The following GALNT13 variants were observed in gnomAD, a reference collection of about 807,000 sequenced individuals.
GALNT13 encodes polypeptide N-acetylgalactosaminyltransferase 13.
GALNT13 carries 28 observed loss-of-function variants against 64.2 expected under a neutral mutation model. That is an observed-to-expected ratio of 0.44 (90% CI 0.32 to 0.60). The LOEUF is 0.60. Among genes scored for constraint, GALNT13 ranks in the 20% least tolerant of loss-of-function variants. GALNT13 has a pLI of 0.05. For missense variants in GALNT13, 577 were observed against 669.8 expected (o/e 0.86, Z 1.53); for synonymous variants, 214 against 224.6 (o/e 0.95, Z 0.42).
chr2:153,925,176 T>C (rs1690035362), intron 2 of GALNT13, among the ~76,000 whole-genome samples: 1 of 152,124 alleles, frequency 6.6e-6, no homozygotes, highest in African/African-American at 2.4e-5. Flanking sequence ...CTAGGGGTTT[T>C]ATAGTTTTGG....
At chr2:154,268,580 A>G (rs188515841) in intron 8 of GALNT13, among the ~76,000 whole-genome samples, 15 of 152,270 alleles carry the variant, frequency 9.9e-5, no homozygotes, top group Non-Finnish European at 1.9e-4. Flanking sequence ...ATTATATGTT[A>G]GTTATACTTT....
chr2:154,208,693 G>C (rs1395159924), intron 4 of GALNT13, among the ~76,000 whole-genome samples: 1 of 147,600 alleles, frequency 6.8e-6, no homozygotes, highest in Non-Finnish European at 1.5e-5. Context: ...TTTATGCCTA[G>C]AACAGTGCTG....
intron 3 of GALNT13, among the ~76,000 whole-genome samples, chr2:154,026,079 T>G (rs1697940779): frequency 6.6e-6 from 1 of 152,122 alleles, no homozygotes; most frequent in South Asian, 2.1e-4. Flanking sequence ...GATTTGCATT[T>G]TTTAAATGAT....
At chr2:153,536,563 T>A in the GALNT13 span, among the ~76,000 whole-genome samples, 1 of 152,228 alleles carries the variant, frequency 6.6e-6, no homozygotes, top group Non-Finnish European at 1.5e-5. Flanking sequence ...AGATATCAAG[T>A]TTTAAACTGA....
chr2:153,430,891 C>T, the GALNT13 span, among the ~76,000 whole-genome samples: 2 of 151,942 alleles, frequency 1.3e-5, no homozygotes, highest in African/African-American at 2.4e-5. Context: ...GTGGCTCACG[C>T]CTGTAATTCC....
At chr2:154,170,862 A>G (rs1685309640) in intron 4 of GALNT13, among the ~76,000 whole-genome samples, 1 of 152,232 alleles carries the variant, frequency 6.6e-6, no homozygotes, top group Non-Finnish European at 1.5e-5. Context: ...ATAAAAAGAA[A>G]GAAATGATTG....
At chr2:153,705,886 C>G in the GALNT13 span, among the ~76,000 whole-genome samples, 2 of 152,184 alleles carry the variant, frequency 1.3e-5, no homozygotes, top group Non-Finnish European at 2.9e-5. Context: ...TTGCTTAGCA[C>G]TATTTCTCTT....
chr2:153,350,697 T>C, the GALNT13 span, among the ~76,000 whole-genome samples: 25,149 of 152,044 alleles, frequency 0.17, 2,212 homozygotes, highest in South Asian at 0.24. Flanking sequence ...ATTGTCAAGT[T>C]TCTAATTAAT....
intron 4 of GALNT13, among the ~76,000 whole-genome samples, chr2:154,181,916 A>G (rs1382113843): frequency 6.6e-6 from 1 of 150,404 alleles, no homozygotes; most frequent in Non-Finnish European, 1.5e-5. Flanking sequence ...CTTTTTTTTT[A>G]TGTTTATATG....
At chr2:153,700,341 T>G in the GALNT13 span, among the ~76,000 whole-genome samples, 2 of 152,146 alleles carry the variant, frequency 1.3e-5, no homozygotes, top group African/African-American at 4.8e-5. Flanking sequence ...GGAACATAAC[T>G]CAAAATAATA....
the GALNT13 span, among the ~76,000 whole-genome samples, chr2:153,261,237 C>G: frequency 6.6e-6 from 1 of 152,076 alleles, no homozygotes; most frequent in East Asian, 1.9e-4. Context: ...TGAGATTGTG[C>G]TTTCCTGTAT....
the GALNT13 span, among the ~76,000 whole-genome samples, chr2:153,764,484 CA>C: frequency 6.6e-6 from 1 of 152,066 alleles, no homozygotes; most frequent in African/African-American, 2.4e-5. Flanking sequence ...TGCAGTGAGC[CA>C]AGATTGCACC....
chr2:154,191,629 A>C (rs1686583186), intron 4 of GALNT13, among the ~76,000 whole-genome samples: 1 of 152,174 alleles, frequency 6.6e-6, no homozygotes, highest in Non-Finnish European at 1.5e-5. Context: ...TCTGAAAATA[A>C]CGTGATACCT....
chr2:154,456,406 A>C (rs1702033690), downstream of GALNT13, among the ~76,000 whole-genome samples: 1 of 152,074 alleles, frequency 6.6e-6, no homozygotes, highest in Non-Finnish European at 1.5e-5. Flanking sequence ...TTGTAGAGTT[A>C]AAATATGCCA....
chr2:153,901,737 G>C (rs1194601005), intron 2 of GALNT13, among the ~76,000 whole-genome samples: 3 of 152,116 alleles, frequency 2.0e-5, no homozygotes, highest in African/African-American at 7.2e-5. Flanking sequence ...CTTATATTCA[G>C]TGTCAATAGA....
chr2:153,894,224 T>C (rs1416364956), intron 1 of GALNT13, among the ~76,000 whole-genome samples: 1 of 152,056 alleles, frequency 6.6e-6, no homozygotes, highest in Admixed American at 6.6e-5. Flanking sequence ...GACAACCCAC[T>C]TGAATCTCTC....
chr2:153,282,825 C>T, the GALNT13 span, among the ~76,000 whole-genome samples: 1 of 152,032 alleles, frequency 6.6e-6, no homozygotes, highest in Non-Finnish European at 1.5e-5. Flanking sequence ...TTTTCTTTTT[C>T]TGTAGTATTA....
In GALNT13 at chr2:154,043,455, T is replaced by TATATACATACAC. The variant is rs1341373277; in HGVS notation, c.143-96881_143-96880insTATACATACACA. On this transcript the variant is annotated intron_variant, in intron 3 of 12. Coordinates refer to ENST00000392825, the MANE Select transcript of GALNT13 (RefSeq NM_052917.4). ...ATATATATATATATATATATATATA[T>TATATACATACAC]ACACACATGTATACATAAAAACATG... Among the ~76,000 whole-genome samples the TATATACATACAC allele has an allele frequency of 8.6e-3, 903 of 104,862 alleles. 27 individuals are homozygous for TATATACATACAC. The highest frequency in any genetic ancestry group is 0.019 in the East Asian group (30 of 1,590). The allele number at this position is 104,862 out of a possible 152,430, so 68.8% of individuals were successfully genotyped here.
At chr2:153,422,628 A>C in the GALNT13 span, among the ~76,000 whole-genome samples, 1 of 146,520 alleles carries the variant, frequency 6.8e-6, no homozygotes, top group East Asian at 1.9e-4. Flanking sequence ...TACAATAGAC[A>C]AATCACTGGC....
Sources: allele counts gnomAD v4.1 joint callset (sites outside exome capture counted in the v4.1 genomes callset), GRCh38; gene constraint gnomAD v4.1.1; transcripts MANE v1.5; gene names NCBI Gene and HGNC (gene_info 2026-07-23, HGNC 2026-07-21).